Variants in AKAP9 observed in about 807,000 individuals in gnomAD.
The protein encoded by AKAP9 is A-kinase anchoring protein 9.
In AKAP9, 311 loss-of-function variants were observed where a neutral mutation model predicts 488.5. The ratio of observed to expected loss-of-function variants is 0.64; its 90% CI spans 0.58 to 0.70. The LOEUF (loss-of-function observed/expected upper bound fraction) is 0.70. Ranked by LOEUF, AKAP9 falls within the 30% of genes least tolerant of loss-of-function variation. AKAP9 has a pLI of 0.00. For synonymous variants in AKAP9, 1,462 were observed against 1,483.5 expected, an observed-to-expected ratio of 0.99 and a Z score of 0.33; for missense variants, 4,215 against 4,374.5, an observed-to-expected ratio of 0.96 and a Z score of 1.03.
rs576849380 is a variant in AKAP9, at chr7:91,958,574, G to A, written c.49-15137G>A. On this transcript the variant is annotated intron_variant, in intron 1 of 49. Transcript: ENST00000356239. ...GGATAAGATTTCTAGTAGGTATGTA[G>A]TTGTATATATCCTTTAAAAATAGTG... 4.6e-5 allele frequency among the ~76,000 whole-genome samples: 7 copies of A among 152,172 alleles called. No homozygotes were observed. The South Asian group carries it at 1.5e-3, about 32-fold the overall frequency.
At chr7:92,071,506 G>A (rs1811729391) in intron 28 of AKAP9, among the ~76,000 whole-genome samples, 1 of 151,518 alleles carries the variant, frequency 6.6e-6, no homozygotes, top group African/African-American at 2.4e-5. Context: ...AAGCAATTAA[G>A]CAATTATATA....
chr7:91,987,193 G>A (rs771671454), intron 3 of AKAP9, among the ~76,000 whole-genome samples: 4 of 152,056 alleles, frequency 2.6e-5, no homozygotes, highest in South Asian at 4.1e-4. Context: ...CAAAGTGGGC[G>A]GATCACCTGA....
intron 2 of AKAP9, among the ~76,000 whole-genome samples, chr7:91,977,412 G>T (rs958025367): frequency 6.6e-6 from 1 of 152,030 alleles, no homozygotes; most frequent in South Asian, 2.1e-4. Flanking sequence ...AAAAATTAGC[G>T]GGGCATGGTG....
At chr7:91,962,106 AGAAATTT>A (rs1793803016) in intron 1 of AKAP9, among the ~76,000 whole-genome samples, 1 of 152,210 alleles carries the variant, frequency 6.6e-6, no homozygotes, top group Non-Finnish European at 1.5e-5. Context: ...ATGTTTTCTC[AGAAATTT>A]AAAGTGCATC....
intron 14 of AKAP9, 127 bp from the exon 15 acceptor site, chr7:92,029,768 C>T (rs1803916459): frequency 1.4e-6 from 1 of 737,496 alleles, no homozygotes; most frequent in African/African-American, 1.8e-5. Flanking sequence ...ACTTGCAATA[C>T]CTATAACCCT....
chr7:92,022,960 T>C lies in AKAP9; in HGVS notation c.4099T>C (p.Cys1367Arg). The change falls in exon 14 of 50, where the codon TGT (cysteine) becomes CGT (arginine). Residue 1367 changes from cysteine (C) to arginine (R), a missense_variant. Around this residue, in one of 5 missense-constraint regions of AKAP9, gnomAD observed 2,361 missense variants for 2,430.0 expected, o/e 0.97. Transcript: ENST00000356239. Reference protein sequence around the residue: ...TEQNYEAEIHCLQKRLQAVSE... With the variant: ...TEQNYEAEIHRLQKRLQAVSE... ...ACAAAACTATGAGGCAGAGATCCAC[T>C]GTTTACAGAAGAGGCTTCAAGCTGT... is the stretch of plus-strand genomic sequence containing the variant. 1 of 1,614,090 alleles carries C rather than the reference T, an allele frequency of 6.2e-7. No individual in the cohort carries two copies. Among genetic ancestry groups the C allele is most frequent in the Non-Finnish European group, 8.5e-7 (1 of 1,179,958 alleles).
chr7:92,019,279 T>C (rs547743348), intron 12 of AKAP9, among the ~76,000 whole-genome samples: 1 of 151,800 alleles, frequency 6.6e-6, no homozygotes, highest in Non-Finnish European at 1.5e-5. Flanking sequence ...GTAGCTGGGA[T>C]TACAGGCACA....
intron 15 of AKAP9, 90 bp from the exon 16 acceptor site, chr7:92,031,416 AATACTG>A: frequency 1.2e-6 from 1 of 846,316 alleles, no homozygotes; most frequent in South Asian, 1.5e-5. Context: ...CTTTTCTAAA[AATACTG>A]ATACTTTGGG....
Position 92,016,161 on chromosome 7 carries a change from T to C in AKAP9, c.3645T>C (p.Thr1215=), listed in dbSNP as rs372167195. The change falls in exon 11 of 50, where the codon ACT becomes ACC. Residue 1215 remains threonine, a synonymous_variant. Coordinates refer to ENST00000356239, the MANE Select transcript of AKAP9 (RefSeq NM_005751.5). The part of the protein sequence containing the change: ...TLCSVLGEYY[T]PALKCEVNAE... Reference sequence around the variant, plus strand: ...GCAGTGTCCTTGGTGAATATTATACTCCTGCTTTAAAATGTGAAGTAAATG... The same window carrying C: ...GCAGTGTCCTTGGTGAATATTATACCCCTGCTTTAAAATGTGAAGTAAATG... The C allele has an allele frequency of 1.4e-5, 22 of 1,604,046 alleles. No individual in the cohort carries two copies. Among genetic ancestry groups the C allele is most frequent in the Non-Finnish European group, 1.7e-5 (20 of 1,171,696 alleles).
In AKAP9 at chr7:92,002,992, C is replaced by T. The variant is rs1989779; in HGVS notation, c.3075C>T (p.Thr1025=). The change falls in exon 8 of 50, where the codon ACC becomes ACT. Residue 1025 remains threonine, a synonymous_variant. Transcript: ENST00000356239. ...GCTCTTTATTAGATGGAGTTGTGAC[C>T]ATGACAAGCAGGGGTGCTGAAGGAT... ...QVSSLLDGVV[T]MTSRGAEGSV... 0.87 allele frequency: 1,410,529 copies of T among 1,613,322 alleles called. 617,647 individuals are homozygous for T. Among genetic ancestry groups the T allele is most frequent in the East Asian group, 0.98 (44,038 of 44,844 alleles).
intron 3 of AKAP9, among the ~76,000 whole-genome samples, chr7:91,984,353 G>A (rs1584706581): frequency 6.6e-6 from 1 of 152,162 alleles, no homozygotes. Context: ...CATATGGCTA[G>A]CCAGTTTTCC....
intron 21 of AKAP9, among the ~76,000 whole-genome samples, chr7:92,052,136 A>G (rs1183554348): frequency 6.6e-6 from 1 of 152,232 alleles, no homozygotes; most frequent in Non-Finnish European, 1.5e-5. Flanking sequence ...CTGTGTAGCC[A>G]AAGCAGATGA....
Position 92,086,301 on chromosome 7 carries a change from T to G in AKAP9, c.9098T>G (p.Val3033Gly), listed in dbSNP as rs1432252149. Residue 3033 changes from valine (V) to glycine (G), a missense_variant, in exon 37 of 50, where the codon GTT (valine) becomes GGT (glycine). By Grantham distance (109) the Val-to-Gly change is moderately radical. Transcript: ENST00000356239. ...GAACTACTGCTTGCCCTTCAACAAG[T>G]TTTCTTAGAAGAGCGTAGTGTTTTA... The part of the protein sequence containing the change: ...RGELLLALQQ[V>G]FLEERSVLLA... The G allele has an allele frequency of 6.2e-7, 1 of 1,614,094 alleles. No homozygotes were observed. Among genetic ancestry groups the G allele is most frequent in the South Asian group, 1.1e-5 (1 of 91,078 alleles).
chr7:92,104,976 C>T (rs1405860171), intron 46 of AKAP9, among the ~76,000 whole-genome samples: 1 of 152,144 alleles, frequency 6.6e-6, no homozygotes, highest in African/African-American at 2.4e-5. Context: ...AGAGAGGCTT[C>T]ATGAGAGCGG....
At position 92,017,092 on chromosome 7, in the gene AKAP9, G is replaced by A. The variant is rs146797353; in HGVS notation, c.3827G>A (p.Arg1276Gln). ...AACAAACTCTTGGTACTTCAAACAC[G>A]ACTAAGCAAGGTCTGTGAGATGGAA... ...EYNKLLVLQTRLSKIWGQQTD... is the reference protein window; with the variant it reads ...EYNKLLVLQTQLSKIWGQQTD... The change falls in exon 12 of 50, where the codon CGA becomes CAA. Residue 1276 changes from arginine to glutamine, a missense_variant. This residue lies in a region of AKAP9 where 2,361 missense variants were observed against 2,430.0 expected (regional missense o/e 0.97). Transcript: ENST00000356239. The A allele has an allele frequency of 7.7e-3, 12,037 of 1,570,710 alleles. 65 individuals carry two copies. The highest frequency in any genetic ancestry group is 0.021 in the East Asian group (926 of 44,224).
At position 92,083,364 on chromosome 7, in the gene AKAP9, T is replaced by G. The variant is rs201128911; in HGVS notation, c.8355T>G (p.Thr2785=). ...SKSIASQTDG[T]LKISSSNQTP... ...GCATTGCATCCCAGACAGATGGGAC[T>G]CTGAAGATCAGTAGCAGCAATCAGA... Residue 2785 remains threonine (T), a synonymous_variant, in exon 33 of 50, where the codon ACT becomes ACG. Transcript: ENST00000356239. 2.4e-5 allele frequency: 38 copies of G among 1,614,022 alleles called. No individual in the cohort carries two copies. The highest frequency in any genetic ancestry group is 1.7e-4 in the Middle Eastern group (1 of 6,060).
chr7:91,943,639 C>A (rs2130434261), intron 1 of AKAP9, among the ~76,000 whole-genome samples: 1 of 152,252 alleles, frequency 6.6e-6, no homozygotes, highest in South Asian at 2.1e-4. Flanking sequence ...TATAGAATTA[C>A]TAAGAAAGCT....
Position 91,995,756 on chromosome 7 carries a change from A to G in AKAP9, c.886A>G (p.Met296Val), listed in dbSNP as rs752964889. 2.5e-6 allele frequency: 4 copies of G among 1,612,630 alleles called. No individual in the cohort carries two copies. Among genetic ancestry groups the G allele is most frequent in the Middle Eastern group, 1.7e-4 (1 of 6,060 alleles). The change falls in exon 7 of 50, where the codon ATG (methionine) becomes GTG (valine). Residue 296 changes from methionine to valine, a missense_variant. Around this residue, in one of 5 missense-constraint regions of AKAP9, gnomAD observed 2,361 missense variants for 2,430.0 expected, o/e 0.97. Coordinates refer to ENST00000356239, the MANE Select transcript of AKAP9 (RefSeq NM_005751.5). ...DYQKKKEDFT[M>V]QISFLQEKIK... The stretch of plus-strand genomic sequence containing the variant: ...TCAGAAAAAGAAAGAAGACTTCACA[A>G]TGCAAATTAGTTTCTTGCAAGAGAA...
At chr7:92,061,183 T>C in intron 22 of AKAP9, 77 bp from the exon 23 acceptor site, 1 of 1,537,038 alleles carries the variant, frequency 6.5e-7, no homozygotes, top group Non-Finnish European at 8.9e-7. Context: ...TCCTCCTTTT[T>C]TCCAGCTTTA....
Sources: allele counts gnomAD v4.1 joint callset (sites outside exome capture counted in the v4.1 genomes callset), GRCh38; gene constraint gnomAD v4.1.1; regional missense constraint gnomAD v4.1.1; transcripts MANE v1.5; gene names NCBI Gene and HGNC (gene_info 2026-07-23, HGNC 2026-07-21).